NDUFAF2: variants seen among roughly 807,000 people sequenced by gnomAD.
NDUFAF2 encodes the protein NADH dehydrogenase [ubiquinone] 1 alpha subcomplex assembly factor 2.
NDUFAF2 carries 13 observed loss-of-function variants against 22.8 expected under a neutral mutation model. The observed-to-expected ratio is 0.57, with a 90% CI of 0.37 to 0.91. The LOEUF is 0.91. NDUFAF2 is among the 40% of genes least tolerant of loss of function. NDUFAF2 has a pLI of 0.01. For missense variants in NDUFAF2, 162 were observed against 195.2 expected (o/e 0.83, Z 1.01); for synonymous variants, 53 against 64.2 (o/e 0.83, Z 0.84).
At chr5:61,019,365 C>T (rs2112602669) in intron 1 of NDUFAF2, among the ~76,000 whole-genome samples, 1 of 152,070 alleles carries the variant, frequency 6.6e-6, no homozygotes, top group East Asian at 1.9e-4. Flanking sequence ...TGCTATTCTA[C>T]CTTCTTCTTG....
chr5:61,102,027 T>C (rs1398753485), intron 3 of NDUFAF2, among the ~76,000 whole-genome samples: 1 of 152,162 alleles, frequency 6.6e-6, no homozygotes, highest in Non-Finnish European at 1.5e-5. Flanking sequence ...AGGTAGGGCC[T>C]GAATATTTGC....
chr5:61,107,090 C>CACACACACACACACACACACACACACAT (rs918380662), intron 3 of NDUFAF2, among the ~76,000 whole-genome samples: 7 of 146,166 alleles, frequency 4.8e-5, no homozygotes, highest in African/African-American at 1.8e-4. Context: ...CACACACACA[C>CACACACACACACACACACACACACACAT]ATATATGCCT....
At chr5:60,996,986 A>G (rs917133244) in intron 1 of NDUFAF2, among the ~76,000 whole-genome samples, 2 of 152,116 alleles carry the variant, frequency 1.3e-5, no homozygotes, top group Admixed American at 1.3e-4. Flanking sequence ...ATGTGTGTAG[A>G]AGGTTGTTAA....
intron 1 of NDUFAF2, among the ~76,000 whole-genome samples, chr5:61,047,329 G>A (rs1375020820): frequency 1.3e-5 from 2 of 151,986 alleles, no homozygotes; most frequent in Non-Finnish European, 2.9e-5. Flanking sequence ...TGAGGCACAG[G>A]GAAGTTAAGT....
intron 1 of NDUFAF2, among the ~76,000 whole-genome samples, chr5:61,041,919 C>G (rs1751888235): frequency 1.3e-5 from 2 of 152,188 alleles, no homozygotes; most frequent in Admixed American, 6.5e-5. Flanking sequence ...CAGTCATGGG[C>G]AAACCAGATG....
chr5:61,151,871 A>G (rs907720201), intron 3 of NDUFAF2, among the ~76,000 whole-genome samples: 1 of 152,222 alleles, frequency 6.6e-6, no homozygotes, highest in African/African-American at 2.4e-5. Context: ...CAAAGATGTA[A>G]TTACTGTATT....
intron 1 of NDUFAF2, among the ~76,000 whole-genome samples, chr5:61,031,772 C>G (rs193276410): frequency 2.4e-4 from 36 of 152,264 alleles, no homozygotes; most frequent in Middle Eastern, 3.4e-3. Context: ...AATGGCATTT[C>G]TAGTTCTAGA....
chr5:61,071,508 T>C (rs570445359), intron 1 of NDUFAF2, among the ~76,000 whole-genome samples: 4 of 152,200 alleles, frequency 2.6e-5, no homozygotes, highest in Non-Finnish European at 5.9e-5. Context: ...TCCCAGGAGT[T>C]TCCTGTCCAC....
intron 1 of NDUFAF2, among the ~76,000 whole-genome samples, chr5:60,954,344 A>G (rs1750586699): frequency 6.6e-6 from 1 of 152,192 alleles, no homozygotes; most frequent in African/African-American, 2.4e-5. Flanking sequence ...AGGGATCAGT[A>G]GATGTCCATT....
At chr5:61,103,787 G>A (rs946056661) in intron 3 of NDUFAF2, among the ~76,000 whole-genome samples, 5 of 152,072 alleles carry the variant, frequency 3.3e-5, no homozygotes, top group Non-Finnish European at 7.4e-5. Flanking sequence ...CAGGTTACCA[G>A]TGAAGGCGGT....
At chr5:61,107,568 T>C (rs1007343386) in intron 3 of NDUFAF2, among the ~76,000 whole-genome samples, 1 of 151,310 alleles carries the variant, frequency 6.6e-6, no homozygotes, top group African/African-American at 2.5e-5. Flanking sequence ...TTACTTTTGC[T>C]ATACAGAAGC....
At chr5:61,067,136 A>AT (rs902958004) in intron 1 of NDUFAF2, among the ~76,000 whole-genome samples, 17 of 151,988 alleles carry the variant, frequency 1.1e-4, no homozygotes, top group Admixed American at 2.0e-4. Flanking sequence ...GTATATTTTA[A>AT]TTTTTTTTAT....
At chr5:61,131,199 C>CT (rs78833819) in intron 3 of NDUFAF2, among the ~76,000 whole-genome samples, 1,491 of 141,566 alleles carry the variant, frequency 0.011, 15 homozygotes, top group African/African-American at 0.031. Context: ...ACTTTTTTTT[C>CT]TTTTTTTTTT....
intron 2 of NDUFAF2, among the ~76,000 whole-genome samples, 199 bp from the exon 3 acceptor site, chr5:61,098,793 G>A (rs1477283812): frequency 6.6e-6 from 1 of 152,050 alleles, no homozygotes; most frequent in Non-Finnish European, 1.5e-5. Context: ...CCAACCATAT[G>A]TTTGTGTGTT....
chr5:61,012,970 T>C (rs953767279), intron 1 of NDUFAF2, among the ~76,000 whole-genome samples: 1 of 152,120 alleles, frequency 6.6e-6, no homozygotes, highest in Non-Finnish European at 1.5e-5. Flanking sequence ...TTAATCAAAT[T>C]TGTATCTTGC....
chr5:61,053,073 G>A (rs1261321318), intron 1 of NDUFAF2, among the ~76,000 whole-genome samples: 1 of 152,150 alleles, frequency 6.6e-6, no homozygotes, highest in Non-Finnish European at 1.5e-5. Flanking sequence ...ATGTGTTCCT[G>A]GGTGCTCTTT....
chr5:61,024,067 A>G (rs1461374583), intron 1 of NDUFAF2, among the ~76,000 whole-genome samples: 1 of 152,094 alleles, frequency 6.6e-6, no homozygotes, highest in Non-Finnish European at 1.5e-5. Flanking sequence ...TTTTGAAAGT[A>G]TTTTATCCAG....
intron 1 of NDUFAF2, among the ~76,000 whole-genome samples, chr5:61,056,597 T>C (rs1192583896): frequency 6.6e-6 from 1 of 151,926 alleles, no homozygotes; most frequent in Non-Finnish European, 1.5e-5. Context: ...TAAAATCATA[T>C]GATGCTATGG....
chr5:61,066,005 C>T (rs1752223018), intron 1 of NDUFAF2, among the ~76,000 whole-genome samples: 12 of 151,836 alleles, frequency 7.9e-5, no homozygotes. Flanking sequence ...AGTAAAGTTA[C>T]AGGATACAAA....
Sources: allele counts gnomAD v4.1 joint callset (sites outside exome capture counted in the v4.1 genomes callset), GRCh38; gene constraint gnomAD v4.1.1; transcripts MANE v1.5; gene names NCBI Gene and HGNC (gene_info 2026-07-23, HGNC 2026-07-21).